ATP10B: variants seen among roughly 807,000 people sequenced by gnomAD.
ATP10B encodes ATPase phospholipid transporting 10B (putative).
In ATP10B, 122 loss-of-function variants were observed where a neutral mutation model predicts 141.2. That is an observed-to-expected ratio of 0.86 (90% CI 0.75 to 1.00). The LOEUF (loss-of-function observed/expected upper bound fraction) is 1.00. ATP10B is among the 50% of genes least tolerant of loss of function. The probability of loss-of-function intolerance (pLI) is 0.00; values close to 1 mark genes in which losing one functional copy is unlikely to be tolerated. For missense variants in ATP10B, 1,876 were observed against 1,825.3 expected (o/e 1.03, Z -0.51); for synonymous variants, 685 against 692.0 (o/e 0.99, Z 0.16).
chr5:160,904,044 G>A, the ATP10B span, among the ~76,000 whole-genome samples: 1 of 152,154 alleles, frequency 6.6e-6, no homozygotes, highest in African/African-American at 2.4e-5. Flanking sequence ...AAGCCCACCT[G>A]AGGGGGCTTC....
chr5:160,565,338 G>T lies in ATP10B; in HGVS notation c.*115C>A. 1 of 1,125,972 alleles carries T rather than the reference G, an allele frequency of 8.9e-7. No individual in the cohort carries two copies. Among genetic ancestry groups the T allele is most frequent in the Non-Finnish European group, 1.3e-6 (1 of 781,032 alleles). 69.7% of individuals were successfully genotyped at this position (1,125,972 alleles called of 1,614,324 possible). ...TTCCTCCATGGAAGTCAAGGTTGTT[G>T]AAGAAAAGAATAAGACTGGCACATT... On this transcript the variant is annotated 3_prime_UTR_variant, in exon 26 of 26. Transcript: ENST00000327245.
chr5:160,722,865 A>G (rs1395693721), intron 2 of ATP10B, among the ~76,000 whole-genome samples: 1 of 152,214 alleles, frequency 6.6e-6, no homozygotes, highest in Non-Finnish European at 1.5e-5. Flanking sequence ...GTGGAAGCAG[A>G]GAGTGGAGGC....
the ATP10B span, among the ~76,000 whole-genome samples, chr5:160,883,596 G>A: frequency 6.6e-6 from 1 of 152,098 alleles, no homozygotes; most frequent in Non-Finnish European, 1.5e-5. Context: ...GGGTGGTAAA[G>A]GGGAAAAGAG....
At chr5:160,757,447 C>A (rs1768706799) in intron 2 of ATP10B, among the ~76,000 whole-genome samples, 1 of 152,090 alleles carries the variant, frequency 6.6e-6, no homozygotes. Context: ...TTAATGTTTA[C>A]TGGAGTATAA....
In ATP10B at chr5:160,563,270, T is replaced by C. The variant is rs1192242603; in HGVS notation, c.*2183A>G. On this transcript the variant is annotated 3_prime_UTR_variant, in exon 26 of 26. Transcript: ENST00000327245. ...GTGGTTATAACTTTTCCCTGTAAGA[T>C]GGCACATTGGATGGTCACAGTTGGC... 1.3e-5 allele frequency: 2 copies of C among 152,206 alleles called. No homozygotes were observed. The allele number at this position is 152,206 out of a possible 1,614,324, so 9.4% of individuals were successfully genotyped here. A position where few individuals can be genotyped will look rare whatever the true frequency, so the allele number is the denominator to read the frequency against.
At chr5:160,927,198 A>G in the ATP10B span, among the ~76,000 whole-genome samples, 1 of 152,224 alleles carries the variant, frequency 6.6e-6, no homozygotes, top group Non-Finnish European at 1.5e-5. Context: ...AATGACACCC[A>G]AAACAGAAAG....
chr5:160,913,990 TTTAA>T, the ATP10B span, among the ~76,000 whole-genome samples: 4 of 152,230 alleles, frequency 2.6e-5, no homozygotes, highest in African/African-American at 4.8e-5. Flanking sequence ...TGTCATAAAA[TTTAA>T]TTAACAATCA....
chr5:160,579,644 A>G (rs917361871), intron 24 of ATP10B, among the ~76,000 whole-genome samples: 1 of 152,052 alleles, frequency 6.6e-6, no homozygotes, highest in Non-Finnish European at 1.5e-5. Context: ...TGTCTTGTCT[A>G]TATGGGTTGT....
At chr5:160,684,105 A>T (rs1763593306) in intron 6 of ATP10B, among the ~76,000 whole-genome samples, 1 of 152,186 alleles carries the variant, frequency 6.6e-6, no homozygotes, top group South Asian at 2.1e-4. Context: ...AAGTTAAAAC[A>T]AGGTTTCTCA....
intron 1 of ATP10B, among the ~76,000 whole-genome samples, chr5:160,822,629 G>A (rs1327654294): frequency 6.6e-6 from 1 of 152,092 alleles, no homozygotes; most frequent in Non-Finnish European, 1.5e-5. Context: ...AGCAACAGGT[G>A]AATGGATACA....
chr5:160,688,553 C>T (rs1032463711), intron 4 of ATP10B, among the ~76,000 whole-genome samples: 6 of 152,290 alleles, frequency 3.9e-5, no homozygotes, highest in Middle Eastern at 6.8e-3. Flanking sequence ...GTTCCTTCAC[C>T]TTCAACTGAT....
chr5:160,603,583 C>G (rs1757219784), intron 20 of ATP10B: 1 of 219,430 alleles, frequency 4.6e-6, no homozygotes, highest in Non-Finnish European at 9.4e-6. Flanking sequence ...AGGAGATACG[C>G]AAAAGTTAAC....
chr5:160,762,108 G>T (rs1011229207), intron 2 of ATP10B, among the ~76,000 whole-genome samples: 1 of 152,196 alleles, frequency 6.6e-6, no homozygotes, highest in African/African-American at 2.4e-5. Flanking sequence ...TTTTCTTGAG[G>T]AAGAAAAGAA....
intron 2 of ATP10B, among the ~76,000 whole-genome samples, chr5:160,753,302 G>A (rs1198821629): frequency 6.6e-6 from 1 of 152,190 alleles, no homozygotes; most frequent in Non-Finnish European, 1.5e-5. Flanking sequence ...TGTTGCTCTA[G>A]TGTAGATGGC....
intron 7 of ATP10B, among the ~76,000 whole-genome samples, chr5:160,649,596 C>T (rs1375048071): frequency 6.6e-6 from 1 of 152,172 alleles, no homozygotes; most frequent in African/African-American, 2.4e-5. Flanking sequence ...AGCCACTAAT[C>T]ACATGTGTCT....
intron 1 of ATP10B, among the ~76,000 whole-genome samples, chr5:160,841,643 G>A (rs1174267569): frequency 6.6e-6 from 1 of 152,088 alleles, no homozygotes; most frequent in Admixed American, 6.5e-5. Flanking sequence ...CTCACTAAAG[G>A]GGAGAGGAAG....
At chr5:160,587,774 G>A (rs1349839900) in intron 24 of ATP10B, among the ~76,000 whole-genome samples, 1 of 152,310 alleles carries the variant, frequency 6.6e-6, no homozygotes, top group East Asian at 1.9e-4. Flanking sequence ...TTTGTACATT[G>A]ATTTTCTATC....
the ATP10B span, among the ~76,000 whole-genome samples, chr5:160,914,558 T>C: frequency 6.6e-6 from 1 of 152,256 alleles, no homozygotes; most frequent in African/African-American, 2.4e-5. Context: ...GGTTTTTTTG[T>C]ATTATTTGTA....
intron 2 of ATP10B, among the ~76,000 whole-genome samples, chr5:160,736,690 G>A (rs546956339): frequency 1.3e-5 from 2 of 152,290 alleles, no homozygotes; most frequent in Non-Finnish European, 2.9e-5. Context: ...AACCTGGGGG[G>A]CAGAGGTTGC....
Sources: gnomAD v4.1 joint callset for allele counts (sites outside exome capture counted in the v4.1 genomes callset) on GRCh38, gnomAD v4.1.1 for gene constraint, MANE v1.5 for transcripts, NCBI Gene and HGNC (gene_info 2026-07-23, HGNC 2026-07-21) for gene names.